DBR1: variants seen among roughly 807,000 people sequenced by gnomAD.
DBR1 encodes debranching RNA lariats 1.
A neutral mutation model predicts 45.9 loss-of-function variants in DBR1; 33 were observed. That is an observed-to-expected ratio of 0.72 (90% CI 0.55 to 0.96). DBR1 has a LOEUF of 0.96. Among genes scored for constraint, DBR1 ranks in the 40% least tolerant of loss-of-function variants. The pLI is 0.00. For missense variants in DBR1, 619 were observed against 667.4 expected (o/e 0.93, Z 0.80); for synonymous variants, 235 against 235.9 (o/e 1.00, Z 0.04).
intron 7 of DBR1, among the ~76,000 whole-genome samples, chr3:138,162,801 G>A (rs1447237916): frequency 6.6e-6 from 1 of 152,136 alleles, no homozygotes; most frequent in African/African-American, 2.4e-5. Flanking sequence ...ATTTTAATGT[G>A]TGGACTATAT....
Position 138,161,918 on chromosome 3 carries a change from C to G in DBR1, c.1606G>C (p.Val536Leu). 1 of 1,613,362 alleles carries G rather than the reference C, an allele frequency of 6.2e-7. No homozygotes were observed. The highest frequency in any genetic ancestry group is 2.2e-5 in the East Asian group (1 of 44,874). The change falls in exon 8 of 8, where the codon GTG (valine) becomes CTG (leucine). Residue 536 changes from valine to leucine, a missense_variant. Coordinates refer to ENST00000260803, the MANE Select transcript of DBR1 (RefSeq NM_016216.4). ...GCTGCATCGTCATCATCATCATCCA[C>G]TGCAGCGTAAATGGCTTGATTCCTC... ...KRRNQAIYAA[V>L]DDDDDDAA is the part of the protein sequence containing the mutation.
chr3:138,163,233 G>T, intron 7 of DBR1, 116 bp downstream of exon 7: 2 of 1,057,194 alleles, frequency 1.9e-6, no homozygotes, highest in African/African-American at 1.6e-5. Context: ...CACCACTGCA[G>T]TCCAGTTTGG....
intron 6 of DBR1, 115 bp from the exon 7 acceptor site, chr3:138,163,609 A>T: frequency 1.4e-6 from 1 of 731,202 alleles, no homozygotes; most frequent in Non-Finnish European, 1.9e-6. Context: ...TCAATTATTT[A>T]ATTTTAAATC....
Position 138,163,456 on chromosome 3 carries a change from G to C in DBR1, c.834C>G (p.Tyr278Ter). 1 of 1,610,418 alleles carries C rather than the reference G, an allele frequency of 6.2e-7. No individual in the cohort carries two copies. Residue 278 changes from tyrosine (Y) to a stop codon, truncating the protein, a stop_gained, in exon 7 of 8, where the codon TAC becomes TAG. Coordinates refer to ENST00000260803, the MANE Select transcript of DBR1 (RefSeq NM_016216.4). LOFTEE classifies it high-confidence loss of function. ...TGAGCCATTCAATATCATATTCCAAGTAATCAGGAGCACTGGGGTCATGTT... is the reference window on the plus strand; with the variant it reads ...TGAGCCATTCAATATCATATTCCAACTAATCAGGAGCACTGGGGTCATGTT... ...EIEHDPSAPDYLEYDIEWLTI... is the reference protein window; with the variant it reads ...EIEHDPSAPD
intron 2 of DBR1, 29 bp downstream of exon 2, chr3:138,173,473 A>G (rs1432544978): frequency 1.2e-6 from 2 of 1,611,384 alleles, no homozygotes; most frequent in Non-Finnish European, 1.7e-6. Context: ...TCCCAGGAAA[A>G]AAAAGTATCC....
intron 5 of DBR1, among the ~76,000 whole-genome samples, chr3:138,166,528 C>T (rs2042931109): frequency 6.6e-6 from 1 of 152,184 alleles, no homozygotes; most frequent in South Asian, 2.1e-4. Context: ...CCAATCCATA[C>T]ACAACAATGC....
At chr3:138,162,635 A>C in intron 7 of DBR1, 53 bp from the exon 8 acceptor site, 1 of 1,408,350 alleles carries the variant, frequency 7.1e-7, no homozygotes, top group Non-Finnish European at 9.8e-7. Context: ...CTAAACAATA[A>C]ATGATGAAAT....
At chr3:138,169,951 G>T (rs540008734) in intron 4 of DBR1, among the ~76,000 whole-genome samples, 156 bp downstream of exon 4, 2,363 of 151,688 alleles carry the variant, frequency 0.016, 62 homozygotes, top group African/African-American at 0.054. Context: ...AAAAAAAAAA[G>T]GTTCATCTGT....
rs1456193770 is a variant in DBR1, at chr3:138,170,106, C to G, written c.489+1G>C. The G allele has an allele frequency of 1.9e-6, 3 of 1,544,924 alleles. No individual in the cohort carries two copies. The highest frequency in any genetic ancestry group is 2.7e-6 in the Non-Finnish European group (3 of 1,124,384). ...TCTGCTGTAATGCGCTTTTTACGTA[C>G]CTGTTTTAATTTATAGACTTCAATA... is the stretch of plus-strand genomic sequence containing the variant. On this transcript the variant is annotated splice_donor_variant, in intron 4 of 7. Transcript: ENST00000260803. LOFTEE classifies it high-confidence loss of function.
chr3:138,173,618 G>A lies in DBR1; in HGVS notation c.206C>T (p.Ser69Phe). 1.2e-6 allele frequency: 2 copies of A among 1,612,744 alleles called. No individual in the cohort carries two copies. The highest frequency in any genetic ancestry group is 1.1e-5 in the South Asian group (1 of 91,044). The change falls in exon 2 of 8, where the codon TCT becomes TTT. Residue 69 changes from serine (S) to phenylalanine (F), a missense_variant. Ser to Phe is a radical substitution (Grantham distance 155). This residue lies in a region of DBR1 where 430 missense variants were observed against 447.7 expected (regional missense o/e 0.96). Coordinates refer to ENST00000260803, the MANE Select transcript of DBR1 (RefSeq NM_016216.4). ...RHMQTFYRYY[S>F]GEKKAPVLTL... The stretch of plus-strand genomic sequence containing the variant: ...GAGAACTGGAGCCTTTTTCTCTCCA[G>A]AGTAATACCTAGAACATAAGAGCAA...
At chr3:138,167,677 G>A (rs1217379440) in intron 4 of DBR1, among the ~76,000 whole-genome samples, 1 of 152,216 alleles carries the variant, frequency 6.6e-6, no homozygotes, top group East Asian at 1.9e-4. Context: ...CGGGCGCGGT[G>A]GCTCACGCCT....
intron 5 of DBR1, among the ~76,000 whole-genome samples, chr3:138,165,701 C>G (rs186995251): frequency 1.6e-4 from 24 of 151,194 alleles, no homozygotes; most frequent in Non-Finnish European, 3.2e-4. Context: ...TGCACTCCAG[C>G]CTGGGCAACA....
intron 5 of DBR1, among the ~76,000 whole-genome samples, chr3:138,164,849 G>A (rs1043649798): frequency 2.4e-4 from 36 of 152,212 alleles, no homozygotes; most frequent in African/African-American, 8.2e-4. Context: ...GTTTCGCCAT[G>A]TTGGCCAGAC....
At chr3:138,164,021 C>A (rs2042919386) in intron 5 of DBR1, 163 bp from the exon 6 acceptor site, 1 of 467,406 alleles carries the variant, frequency 2.1e-6, no homozygotes, top group Admixed American at 3.7e-5. Flanking sequence ...TCTATACCCA[C>A]TTGTGTGATA....
intron 1 of DBR1, 103 bp downstream of exon 1, chr3:138,174,496 C>G: frequency 8.2e-7 from 1 of 1,219,396 alleles, no homozygotes; most frequent in Non-Finnish European, 1.2e-6. Flanking sequence ...ATTAGAGATA[C>G]AGAGAGAACA....
intron 7 of DBR1, 105 bp downstream of exon 7, chr3:138,163,244 A>G: frequency 8.4e-7 from 1 of 1,186,700 alleles, no homozygotes; most frequent in African/African-American, 1.5e-5. Flanking sequence ...TCCAGTTTGG[A>G]TAACAGAGCT....
chr3:138,174,896 G>A lies in DBR1; in HGVS notation c.-101C>T. 1 of 1,142,956 alleles carries A rather than the reference G, an allele frequency of 8.7e-7. No individual in the cohort carries two copies. Among genetic ancestry groups the A allele is most frequent in the Non-Finnish European group, 1.2e-6 (1 of 808,362 alleles). The allele number at this position is 1,142,956 out of a possible 1,614,324, so 70.8% of individuals were successfully genotyped here. ...GCTCCCGCCAACTTTAATAAGTATA[G>A]CCACCGCCTGGGTGTAGACTCCTGC... On this transcript the variant is annotated 5_prime_UTR_variant, in exon 1 of 8. Transcript: ENST00000260803.
intron 4 of DBR1, among the ~76,000 whole-genome samples, chr3:138,169,892 C>T (rs2042946735): frequency 6.6e-6 from 1 of 151,780 alleles, no homozygotes; most frequent in Non-Finnish European, 1.5e-5. Context: ...GAGATCGCGC[C>T]ACTGCACTTC....
chr3:138,167,038 A>G (rs2042933339), intron 5 of DBR1, 43 bp downstream of exon 5: 1 of 1,548,412 alleles, frequency 6.5e-7, no homozygotes, highest in Admixed American at 1.7e-5. Flanking sequence ...ATAGATGTTC[A>G]ATAGTGTGTG....
Sources: allele counts gnomAD v4.1 joint callset (sites outside exome capture counted in the v4.1 genomes callset), GRCh38; gene constraint gnomAD v4.1.1; regional missense constraint gnomAD v4.1.1; transcripts MANE v1.5; gene names NCBI Gene and HGNC (gene_info 2026-07-23, HGNC 2026-07-21).